Variants in ABCA12 observed in about 807,000 individuals in gnomAD.
The protein encoded by ABCA12 is ATP binding cassette subfamily A member 12, also known as glucosylceramide transporter ABCA12.
A neutral mutation model predicts 293.5 loss-of-function variants in ABCA12; 156 were observed. The ratio of observed to expected loss-of-function variants is 0.53; its 90% confidence interval spans 0.47 to 0.61. The LOEUF is 0.61. Among genes scored for constraint, ABCA12 ranks in the 20% least tolerant of loss-of-function variants. ABCA12 has a pLI of 0.00. For missense variants in ABCA12, 2,797 were observed against 3,090.2 expected (o/e 0.91, Z 2.25); for synonymous variants, 1,063 against 1,108.0 (o/e 0.96, Z 0.81).
Position 215,105,043 on chromosome 2 carries a change from C to T in ABCA12, c.163+6554G>A, listed in dbSNP as rs76428101. ...GAGTGAATTTTGTAATCCAGTCACC[C>T]ATATAAATCTTCCAAACTGTATCAG... On this transcript the variant is annotated intron_variant, in intron 2 of 52. Coordinates refer to ENST00000272895, the MANE Select transcript of ABCA12 (RefSeq NM_173076.3). Among the ~76,000 whole-genome samples the T allele has an allele frequency of 2.2e-3, 331 of 152,236 alleles. 1 individual carries two copies. Among genetic ancestry groups the T allele is most frequent in the Admixed American group, 0.013 (204 of 15,290 alleles).
intron 1 of ABCA12, among the ~76,000 whole-genome samples, chr2:215,133,944 C>G (rs1703118080): frequency 6.6e-6 from 1 of 152,006 alleles, no homozygotes; most frequent in South Asian, 2.1e-4. Flanking sequence ...TGACTTTGAG[C>G]TTTAAATTTG....
chr2:215,069,927 C>T (rs57226601), intron 2 of ABCA12, among the ~76,000 whole-genome samples: 3,691 of 152,282 alleles, frequency 0.024, 53 homozygotes, highest in African/African-American at 0.044. Flanking sequence ...CAATGCTTCA[C>T]ACATTGTAAA....
intron 28 of ABCA12, among the ~76,000 whole-genome samples, chr2:214,985,855 A>G (rs1485393948): frequency 2.0e-5 from 3 of 152,238 alleles, no homozygotes; most frequent in Non-Finnish European, 2.9e-5. Context: ...TTGGAGGCAA[A>G]TCACATAAAA....
intron 19 of ABCA12, chr2:215,004,712 G>T (rs895872895): frequency 3.2e-5 from 6 of 186,590 alleles, no homozygotes; most frequent in African/African-American, 1.4e-4. Context: ...CGTGGAATCT[G>T]ACATCACAAC....
chr2:214,999,126 T>G (rs1700092558), intron 22 of ABCA12, among the ~76,000 whole-genome samples: 1 of 152,312 alleles, frequency 6.6e-6, no homozygotes, highest in East Asian at 1.9e-4. Context: ...TTTTTTTTGT[T>G]GTTGTTTCCT....
At chr2:215,125,214 T>C (rs192704715) in intron 1 of ABCA12, among the ~76,000 whole-genome samples, 2 of 152,332 alleles carry the variant, frequency 1.3e-5, no homozygotes, top group East Asian at 1.9e-4. Flanking sequence ...GGCCTTATAG[T>C]AGAGCTTGAA....
chr2:215,134,529 T>C (rs143322537), intron 1 of ABCA12, among the ~76,000 whole-genome samples: 13,091 of 112,790 alleles, frequency 0.12, 2,043 homozygotes, highest in African/African-American at 0.25. Context: ...TATATATACG[T>C]ATATATGTAC....
At chr2:215,105,609 A>G (rs1027023537) in intron 2 of ABCA12, among the ~76,000 whole-genome samples, 21 of 151,812 alleles carry the variant, frequency 1.4e-4, no homozygotes, top group Admixed American at 1.3e-3. Context: ...ACGCACACAC[A>G]CACACACACA....
chr2:215,030,890 T>G (rs1700863645), intron 9 of ABCA12, among the ~76,000 whole-genome samples: 1 of 152,240 alleles, frequency 6.6e-6, no homozygotes, highest in East Asian at 1.9e-4. Flanking sequence ...CTGTTTGTTT[T>G]TTTATTTGTA....
In ABCA12 at chr2:214,986,573, C is replaced by T; in HGVS notation, c.4132G>A (p.Gly1378Arg). The change falls in exon 28 of 53, where the codon GGG becomes AGG. Residue 1378 changes from glycine (G) to arginine (R), a missense_variant. Transcript: ENST00000272895. ...FYEGHITSLL[G>R]PNGAGKTTTI... ...GTAGTTTTCCCAGCTCCATTGGGCC[C>T]CAGCAATGAAGTAATATGCCCTTCA... 6.2e-7 allele frequency: 1 copy of T among 1,614,000 alleles called. No homozygotes were observed. Among genetic ancestry groups the T allele is most frequent in the Non-Finnish European group, 8.5e-7 (1 of 1,179,968 alleles).
intron 47 of ABCA12, chr2:214,948,030 C>G (rs1172265342): frequency 3.7e-5 from 7 of 187,606 alleles, no homozygotes; most frequent in Non-Finnish European, 6.8e-5. Context: ...TGGGTTCTTG[C>G]AGTTATTTCT....
chr2:215,124,495 T>C (rs896189358), intron 1 of ABCA12, among the ~76,000 whole-genome samples: 3 of 152,218 alleles, frequency 2.0e-5, no homozygotes, highest in Non-Finnish European at 4.4e-5. Context: ...TTATGACCAT[T>C]CTTGCAGGAG....
chr2:215,009,465 T>TAA (rs35436276), intron 18 of ABCA12, among the ~76,000 whole-genome samples: 3 of 151,774 alleles, frequency 2.0e-5, no homozygotes, highest in African/African-American at 4.8e-5. Context: ...AAATAAAAGT[T>TAA]AAAAAAAATC....
chr2:215,099,548 C>A (rs1255408594), intron 2 of ABCA12, among the ~76,000 whole-genome samples: 1 of 152,112 alleles, frequency 6.6e-6, no homozygotes. Context: ...CAAAAATTAG[C>A]TGGGCACGGT....
chr2:215,076,298 T>TA (rs1466473377), intron 2 of ABCA12, among the ~76,000 whole-genome samples: 5 of 152,200 alleles, frequency 3.3e-5, no homozygotes, highest in Non-Finnish European at 7.3e-5. Context: ...ACTGTCTCAT[T>TA]AAGGGGAAAA....
chr2:215,064,688 T>TACAC (rs1323183587), intron 2 of ABCA12, among the ~76,000 whole-genome samples: 26 of 128,690 alleles, frequency 2.0e-4, no homozygotes, highest in African/African-American at 8.3e-4. Flanking sequence ...AATCTTTTAA[T>TACAC]ACACGCACAC....
chr2:214,962,192 G>A (rs984728508), intron 39 of ABCA12: 5 of 152,072 alleles, frequency 3.3e-5, no homozygotes, highest in Non-Finnish European at 7.4e-5. Flanking sequence ...TTTTTTAAAA[G>A]TCTGTTTCAA....
intron 26 of ABCA12, among the ~76,000 whole-genome samples, chr2:214,988,414 A>C (rs951625159): frequency 3.3e-5 from 5 of 152,224 alleles, no homozygotes; most frequent in African/African-American, 1.2e-4. Flanking sequence ...CCATTTGCAG[A>C]TAATCCCTGC....
At chr2:215,099,869 C>T (rs1702319878) in intron 2 of ABCA12, among the ~76,000 whole-genome samples, 2 of 152,056 alleles carry the variant, frequency 1.3e-5, no homozygotes, top group African/African-American at 2.4e-5. Flanking sequence ...AACAAACTTC[C>T]TTTAGTTTAC....
Sources: allele counts gnomAD v4.1 joint callset (sites outside exome capture counted in the v4.1 genomes callset), GRCh38; gene constraint gnomAD v4.1.1; transcripts MANE v1.5; gene names NCBI Gene and HGNC (gene_info 2026-07-23, HGNC 2026-07-21).